Variants in ARID3B observed in about 807,000 individuals in gnomAD.
ARID3B encodes AT-rich interaction domain 3B.
In ARID3B, 10 loss-of-function variants were observed where a neutral mutation model predicts 51.9. That is an observed-to-expected ratio of 0.19 (90% CI 0.12 to 0.33). ARID3B has a LOEUF of 0.33. Ranked by LOEUF, ARID3B falls within the 10% of genes least tolerant of loss-of-function variation. The probability of loss-of-function intolerance (pLI) is 1.00; values close to 1 mark genes in which losing one functional copy is unlikely to be tolerated. For synonymous variants in ARID3B, 205 were observed against 279.5 expected, an observed-to-expected ratio of 0.73 and a Z score of 2.66; for missense variants, 483 against 716.3, an observed-to-expected ratio of 0.67 and a Z score of 3.72.
chr15:74,541,564 C>T (rs1297813193), intron 1 of ARID3B, among the ~76,000 whole-genome samples: 1 of 152,098 alleles, frequency 6.6e-6, no homozygotes, highest in Non-Finnish European at 1.5e-5. Context: ...GGTGAGGGGC[C>T]CTGGAGCTGA....
chr15:74,585,966 C>T (rs1300364012), intron 4 of ARID3B, among the ~76,000 whole-genome samples: 2 of 152,234 alleles, frequency 1.3e-5, no homozygotes, highest in South Asian at 2.1e-4. Context: ...TTTCTGATGG[C>T]ACCAAGGGCC....
intron 2 of ARID3B, among the ~76,000 whole-genome samples, chr15:74,546,628 G>T (rs577273764): frequency 2.6e-5 from 4 of 152,352 alleles, no homozygotes; most frequent in Admixed American, 2.6e-4. Context: ...TATTCAGGGG[G>T]CTGGCTGTTG....
Position 74,585,240 on chromosome 15 carries a change from C to T in ARID3B, c.698-4580C>T, listed in dbSNP as rs118124235. The stretch of plus-strand genomic sequence containing the variant: ...GTGGGTGTTTGCCTCCTTCCTGGTG[C>T]TCTGTGGGTTGCTTTTGCATTTCTT... On this transcript the variant is annotated intron_variant, in intron 4 of 8. Transcript: ENST00000346246. Among the ~76,000 whole-genome samples the T allele has an allele frequency of 5.8e-3, 891 of 152,316 alleles. 3 individuals carry two copies. The highest frequency in any genetic ancestry group is 0.014 in the Middle Eastern group (4 of 294).
chr15:74,579,828 C>CGTGTGTGT (rs374538596), intron 4 of ARID3B, among the ~76,000 whole-genome samples: 5,034 of 137,692 alleles, frequency 0.037, 119 homozygotes, highest in Non-Finnish European at 0.048. Flanking sequence ...CACCTGTTGC[C>CGTGTGTGT]GTGTGTGTGT....
chr15:74,544,367 C>G lies in ARID3B; in HGVS notation c.431C>G (p.Pro144Arg), dbSNP rs754060437. ...CCCATGTCCAATCTACTTCCAGCAC[C>G]AGGGCTCCCACCACATGGACAACAA... ...VAPMSNLLPA[P>R]GLPPHGQQAK... The change falls in exon 2 of 9, where the codon CCA (proline) becomes CGA (arginine). Residue 144 changes from proline to arginine, a missense_variant. Around this residue, in one of 3 missense-constraint regions of ARID3B, gnomAD observed 182 missense variants for 244.5 expected, o/e 0.74. Transcript: ENST00000346246. The G allele has an allele frequency of 4.2e-5, 67 of 1,613,128 alleles. No individual in the cohort carries two copies. The highest frequency in any genetic ancestry group is 5.3e-5 in the Non-Finnish European group (62 of 1,179,458).
chr15:74,558,483 C>G (rs1378910658), intron 2 of ARID3B, among the ~76,000 whole-genome samples: 2 of 151,672 alleles, frequency 1.3e-5, no homozygotes, highest in African/African-American at 4.8e-5. Flanking sequence ...ATTCCTTCAG[C>G]TCTTTGAACA....
chr15:74,562,818 G>T (rs934003330), intron 2 of ARID3B, among the ~76,000 whole-genome samples: 1 of 152,210 alleles, frequency 6.6e-6, no homozygotes, highest in African/African-American at 2.4e-5. Flanking sequence ...TGTTGTCACT[G>T]AAAATTATTT....
intron 4 of ARID3B, among the ~76,000 whole-genome samples, chr15:74,577,323 AAAG>A (rs989324183): frequency 6.6e-6 from 1 of 151,762 alleles, no homozygotes; most frequent in African/African-American, 2.4e-5. Context: ...AAAAAAAAAA[AAAG>A]AAGATGTAAT....
chr15:74,558,082 A>G (rs758156895), intron 2 of ARID3B, among the ~76,000 whole-genome samples: 87 of 151,744 alleles, frequency 5.7e-4, no homozygotes, highest in Non-Finnish European at 2.9e-4. Context: ...CGGCCTCCCA[A>G]AGTGCTGGGA....
chr15:74,554,787 C>T (rs1397143573), intron 2 of ARID3B, among the ~76,000 whole-genome samples: 1 of 152,088 alleles, frequency 6.6e-6, no homozygotes, highest in Non-Finnish European at 1.5e-5. Context: ...ATTCTTTTTA[C>T]ACTAAAGGCA....
At chr15:74,564,048 G>A (rs1175343617) in intron 2 of ARID3B, among the ~76,000 whole-genome samples, 1 of 152,168 alleles carries the variant, frequency 6.6e-6, no homozygotes, top group African/African-American at 2.4e-5. Flanking sequence ...GCAAGAGGTG[G>A]GAAGGCTCTT....
In ARID3B at chr15:74,596,026, G is replaced by A. The variant is rs1300227005; in HGVS notation, c.*252G>A. 5 of 461,270 alleles carry A rather than the reference G, an allele frequency of 1.1e-5. No individual in the cohort carries two copies. Among genetic ancestry groups the A allele is most frequent in the African/African-American group, 6.0e-5 (3 of 50,038 alleles). 28.6% of individuals were successfully genotyped at this position (461,270 alleles called of 1,614,324 possible). A position where few individuals can be genotyped will look rare whatever the true frequency, so the allele number is the denominator to read the frequency against. ...GTCCTGGAGAACTGGGTGGGGGTCT[G>A]TGGGTGTCCAGCTTCCTCCAGGGTT... is the stretch of plus-strand genomic sequence containing the variant. On this transcript the variant is annotated 3_prime_UTR_variant, in exon 9 of 9. Coordinates refer to ENST00000346246, the MANE Select transcript of ARID3B (RefSeq NM_006465.4).
intron 4 of ARID3B, among the ~76,000 whole-genome samples, chr15:74,576,245 A>G (rs2061737018): frequency 6.6e-6 from 1 of 152,172 alleles, no homozygotes; most frequent in African/African-American, 2.4e-5. Flanking sequence ...AGATACCAAT[A>G]TCAGCCCCTC....
Position 74,566,031 on chromosome 15 carries a change from T to G in ARID3B, c.553-6831T>G, listed in dbSNP as rs184101856. On this transcript the variant is annotated intron_variant, in intron 2 of 8. Coordinates refer to ENST00000346246, the MANE Select transcript of ARID3B (RefSeq NM_006465.4). ...CCTTTCTCACTATAAGAATTCAGAT[T>G]AATCCTTCTCTTTCTCTTTCATCCC... Among the ~76,000 whole-genome samples the G allele has an allele frequency of 2.8e-3, 433 of 152,250 alleles. 1 individual carries two copies. Among genetic ancestry groups the G allele is most frequent in the Non-Finnish European group, 4.8e-3 (326 of 68,010 alleles).
intron 4 of ARID3B, 127 bp downstream of exon 4, chr15:74,573,331 A>C: frequency 9.5e-7 from 1 of 1,057,462 alleles, no homozygotes; most frequent in South Asian, 1.3e-5. Context: ...ATTTACTGCC[A>C]GTTGGTTCTG....
intron 2 of ARID3B, among the ~76,000 whole-genome samples, chr15:74,552,484 C>G (rs1304689484): frequency 6.7e-6 from 1 of 149,570 alleles, no homozygotes; most frequent in Non-Finnish European, 1.5e-5. Context: ...CATGAGCCAC[C>G]ACGCCCAGCC....
At chr15:74,595,534 T>C in intron 8 of ARID3B, 77 bp from the exon 9 acceptor site, 2 of 1,519,264 alleles carry the variant, frequency 1.3e-6, no homozygotes, top group South Asian at 1.3e-5. Context: ...AGGCCAGCGG[T>C]GAATACTTAC....
chr15:74,589,981 G>T lies in ARID3B; in HGVS notation c.859G>T (p.Ala287Ser), dbSNP rs1417045374. Residue 287 changes from alanine to serine, a missense_variant, in exon 5 of 9, where the codon GCC (alanine) becomes TCC (serine). Physicochemically the swap from Ala to Ser is moderately conservative, Grantham distance 99. Around this residue, in one of 3 missense-constraint regions of ARID3B, gnomAD observed 36 missense variants for 117.5 expected, o/e 0.31. Coordinates refer to ENST00000346246, the MANE Select transcript of ARID3B (RefSeq NM_006465.4). ...AAACCTGCCCACATCCATCACCAGC[G>T]CCGCCTTCACCCTCAGGACGCAGTG... ...GLNLPTSITSAAFTLRTQYMK... is the reference protein window; with the variant it reads ...GLNLPTSITSSAFTLRTQYMK... 6.2e-7 allele frequency: 1 copy of T among 1,612,854 alleles called. No individual in the cohort carries two copies. Among genetic ancestry groups the T allele is most frequent in the South Asian group, 1.1e-5 (1 of 90,920 alleles).
intron 4 of ARID3B, among the ~76,000 whole-genome samples, chr15:74,582,028 C>G (rs1221174813): frequency 6.6e-6 from 1 of 152,200 alleles, no homozygotes; most frequent in Non-Finnish European, 1.5e-5. Context: ...GAGGTGTGCC[C>G]CAGCCCAGCC....
Sources: allele counts gnomAD v4.1 joint callset (sites outside exome capture counted in the v4.1 genomes callset), GRCh38; gene constraint gnomAD v4.1.1; regional missense constraint gnomAD v4.1.1; transcripts MANE v1.5; gene names NCBI Gene and HGNC (gene_info 2026-07-23, HGNC 2026-07-21).